Variants in MAOB observed in about 807,000 individuals in gnomAD.
The protein encoded by MAOB is monoamine oxidase B.
A neutral mutation model predicts 41.9 loss-of-function variants in MAOB; 15 were observed. That is an observed-to-expected ratio of 0.36 (90% CI 0.24 to 0.55). The LOEUF is 0.55. MAOB is among the 20% of genes least tolerant of loss of function. The pLI is 0.86. For missense variants in MAOB, 345 were observed against 398.7 expected (o/e 0.87, Z 1.15); for synonymous variants, 167 against 144.2 (o/e 1.16, Z -1.13).
At chrX:43,807,364 G>A (rs1044616859) in intron 3 of MAOB, among the ~76,000 whole-genome samples, 1 of 112,289 alleles carries the variant, frequency 8.9e-6, no homozygotes, top group Non-Finnish European at 1.9e-5. Context: ...TGACTCCATC[G>A]TCTTCTTCCA....
chrX:43,779,041 C>G (rs1233074928), intron 10 of MAOB, among the ~76,000 whole-genome samples: 1 of 111,468 alleles, frequency 9.0e-6, no homozygotes, highest in East Asian at 2.8e-4. Flanking sequence ...TGTTTATGAA[C>G]AAAATGTTTC....
chrX:43,805,913 A>T (rs1242259245), intron 3 of MAOB, among the ~76,000 whole-genome samples: 1 of 112,665 alleles, frequency 8.9e-6, no homozygotes, highest in Non-Finnish European at 1.9e-5. Context: ...GTTGATCAGA[A>T]TACTGACACT....
chrX:43,791,730 C>T (rs2034465114), intron 8 of MAOB, among the ~76,000 whole-genome samples: 1 of 109,862 alleles, frequency 9.1e-6, no homozygotes, highest in Non-Finnish European at 1.9e-5. Flanking sequence ...GCACTCCAGC[C>T]TGGGCGACAG....
intron 4 of MAOB, among the ~76,000 whole-genome samples, chrX:43,802,946 GA>G (rs937027113): frequency 9.0e-6 from 1 of 110,835 alleles, no homozygotes; most frequent in Non-Finnish European, 1.9e-5. Flanking sequence ...TAAAGTAAAA[GA>G]AAAAAAATGC....
At chrX:43,797,332 A>G in intron 5 of MAOB, 66 bp from the exon 6 acceptor site, 1 of 886,542 alleles carries the variant, frequency 1.1e-6, no homozygotes, top group East Asian at 3.5e-5. Flanking sequence ...TTCTCTAAAA[A>G]TTATTTAAGT....
At chrX:43,843,873 A>AT in intron 1 of MAOB, 109 bp from the exon 2 acceptor site, 1 of 1,066,926 alleles carries the variant, frequency 9.4e-7, no homozygotes, top group Non-Finnish European at 1.2e-6. Flanking sequence ...TGCACCGCCT[A>AT]TTGTTACATT....
chrX:43,843,596 G>C (rs1173637515), intron 2 of MAOB, 74 bp downstream of exon 2: 2 of 1,004,208 alleles, frequency 2.0e-6, no homozygotes, highest in African/African-American at 3.8e-5. Context: ...AAGACTTTTG[G>C]GGAAAAAGAC....
chrX:43,849,372 A>G (rs1260610262), intron 1 of MAOB, among the ~76,000 whole-genome samples: 1 of 112,474 alleles, frequency 8.9e-6, no homozygotes, highest in East Asian at 2.8e-4. Flanking sequence ...AGCCTTCATC[A>G]TATTTCACAG....
intron 1 of MAOB, among the ~76,000 whole-genome samples, chrX:43,880,405 C>T (rs2035465949): frequency 8.9e-6 from 1 of 112,232 alleles, no homozygotes; most frequent in African/African-American, 3.2e-5. Context: ...GGGTAAAACT[C>T]TTGAGGGGCT....
At chrX:43,829,748 C>T (rs1317263736) in intron 3 of MAOB, among the ~76,000 whole-genome samples, 2 of 112,205 alleles carry the variant, frequency 1.8e-5, no homozygotes, top group Non-Finnish European at 3.8e-5. Context: ...TTGCGATGTA[C>T]TGTAGGGTCT....
chrX:43,863,559 AT>A (rs2035347163), intron 1 of MAOB, among the ~76,000 whole-genome samples: 1 of 111,905 alleles, frequency 8.9e-6, no homozygotes, highest in Admixed American at 9.5e-5. Context: ...AAATGAACTT[AT>A]AAAAATAATT....
chrX:43,823,165 C>CTTTTTTTTT (rs1181398583), intron 3 of MAOB, among the ~76,000 whole-genome samples: 2 of 60,104 alleles, frequency 3.3e-5, no homozygotes, highest in Non-Finnish European at 5.8e-5. Context: ...AACAGATGGT[C>CTTTTTTTTT]TTTTTTTTTT....
intron 1 of MAOB, among the ~76,000 whole-genome samples, chrX:43,878,063 G>A (rs969481059): frequency 1.8e-5 from 2 of 111,931 alleles, no homozygotes; most frequent in African/African-American, 6.5e-5. Flanking sequence ...ACTGTTTATG[G>A]TCCTACATGT....
intron 3 of MAOB, among the ~76,000 whole-genome samples, chrX:43,819,257 C>T (rs1413317121): frequency 9.0e-6 from 1 of 111,530 alleles, no homozygotes; most frequent in Non-Finnish European, 1.9e-5. Context: ...GGCAGGCAGC[C>T]CTTGATTTTC....
chrX:43,831,116 G>A (rs752444886), intron 3 of MAOB, among the ~76,000 whole-genome samples: 2 of 109,817 alleles, frequency 1.8e-5, no homozygotes, highest in East Asian at 5.8e-4. Context: ...CAGCTGCTTT[G>A]GGATCTAGAC....
chrX:43,872,319 A>G (rs2035413349), intron 1 of MAOB, among the ~76,000 whole-genome samples: 1 of 112,202 alleles, frequency 8.9e-6, no homozygotes, highest in Non-Finnish European at 1.9e-5. Context: ...AGTGCCTACA[A>G]CTTCATTAAA....
intron 1 of MAOB, among the ~76,000 whole-genome samples, chrX:43,878,400 C>A (rs1046930913): frequency 2.5e-5 from 2 of 81,043 alleles, no homozygotes; most frequent in Admixed American, 3.0e-4. Context: ...CTCCTCTATA[C>A]CCAGCCTTTG....
intron 8 of MAOB, among the ~76,000 whole-genome samples, chrX:43,787,085 C>A (rs1381434589): frequency 1.2e-5 from 1 of 81,778 alleles, no homozygotes; most frequent in Non-Finnish European, 2.3e-5. Flanking sequence ...TCACAACTAA[C>A]AAATGAAACA....
chrX:43,766,935 A>G lies in MAOB; in HGVS notation c.*531T>C, dbSNP rs977977784. ...TTTGTGTTCTAGTCCCCCAGATACC[A>G]GTGGCTTATTGTGGCTCTTAGGTAA... On this transcript the variant is annotated 3_prime_UTR_variant, in exon 15 of 15. Coordinates refer to ENST00000378069, the MANE Select transcript of MAOB (RefSeq NM_000898.5). 1 of 112,031 alleles carries G rather than the reference A, an allele frequency of 8.9e-6. No homozygotes were observed. Among genetic ancestry groups the G allele is most frequent in the Non-Finnish European group, 1.9e-5 (1 of 53,388 alleles). The allele number at this position is 112,031 out of a possible 1,213,427, so 9.2% of individuals were successfully genotyped here.
Sources: allele counts gnomAD v4.1 joint callset (sites outside exome capture counted in the v4.1 genomes callset), GRCh38; gene constraint gnomAD v4.1.1; transcripts MANE v1.5; gene names NCBI Gene and HGNC (gene_info 2026-07-23, HGNC 2026-07-21).